The following SLC24A3 variants were observed in gnomAD, a reference collection of about 807,000 sequenced individuals.
SLC24A3 encodes the protein solute carrier family 24 member 3, also known as sodium/potassium/calcium exchanger 3.
In SLC24A3, 28 loss-of-function variants were observed where a neutral mutation model predicts 75.8. That is an observed-to-expected ratio of 0.37 (90% CI 0.27 to 0.51). The LOEUF is 0.51. SLC24A3 is among the 20% of genes least tolerant of loss of function. The pLI is 0.94. For synonymous variants in SLC24A3, 372 were observed against 334.1 expected, an observed-to-expected ratio of 1.11 and a Z score of -1.24; for missense variants, 663 against 847.8, an observed-to-expected ratio of 0.78 and a Z score of 2.71.
intron 3 of SLC24A3, among the ~76,000 whole-genome samples, chr20:19,517,244 C>T (rs1453484050): frequency 1.3e-5 from 2 of 152,148 alleles, no homozygotes; most frequent in African/African-American, 4.8e-5. Flanking sequence ...CCCTGGCAGC[C>T]GTTAGCATCC....
chr20:19,256,859 G>A (rs1278717432), intron 1 of SLC24A3, among the ~76,000 whole-genome samples: 1 of 151,366 alleles, frequency 6.6e-6, no homozygotes, highest in Non-Finnish European at 1.5e-5. Flanking sequence ...ATTACATGTT[G>A]AAATGTTAAT....
At chr20:19,441,031 G>A (rs546865439) in intron 2 of SLC24A3, among the ~76,000 whole-genome samples, 36 of 152,192 alleles carry the variant, frequency 2.4e-4, no homozygotes, top group African/African-American at 4.1e-4. Context: ...ATTTCACATC[G>A]CATACCTGCA....
chr20:19,651,316 T>C (rs1246776195), intron 6 of SLC24A3, among the ~76,000 whole-genome samples: 1 of 149,764 alleles, frequency 6.7e-6, no homozygotes, highest in Non-Finnish European at 1.5e-5. Flanking sequence ...CATGACTCCA[T>C]TTTTTGCTAG....
rs150386714 is a variant in SLC24A3, at chr20:19,677,913, C to T, written c.768-3945C>T. ...ATTAGGGAGTGGTGATGACTCTTAA[C>T]GAGCATGCTGCCTTCAAGCATCTGT... On this transcript the variant is annotated intron_variant, in intron 9 of 16. Coordinates refer to ENST00000328041, the MANE Select transcript of SLC24A3 (RefSeq NM_020689.4). 9.8e-3 allele frequency among the ~76,000 whole-genome samples: 1,478 copies of T among 151,450 alleles called. 20 individuals are homozygous for T. Among genetic ancestry groups the T allele is most frequent in the African/African-American group, 0.033 (1,375 of 41,224 alleles).
chr20:19,271,541 T>C (rs1983329781), intron 1 of SLC24A3, among the ~76,000 whole-genome samples: 2 of 152,324 alleles, frequency 1.3e-5, no homozygotes, highest in African/African-American at 4.8e-5. Context: ...TGCACATGCA[T>C]GTTTATAGCA....
intron 6 of SLC24A3, among the ~76,000 whole-genome samples, chr20:19,594,534 T>A (rs757263583): frequency 1.1e-4 from 17 of 152,236 alleles, no homozygotes; most frequent in Non-Finnish European, 2.2e-4. Context: ...GTAAGCTCAT[T>A]CACTGATTTA....
intron 3 of SLC24A3, among the ~76,000 whole-genome samples, chr20:19,534,897 T>A (rs1344448249): frequency 6.6e-6 from 1 of 152,230 alleles, no homozygotes; most frequent in Admixed American, 6.5e-5. Context: ...ATAGGTATTG[T>A]ATAGAAAATG....
chr20:19,537,974 A>G (rs113831050), intron 3 of SLC24A3, among the ~76,000 whole-genome samples: 2 of 151,962 alleles, frequency 1.3e-5, no homozygotes, highest in East Asian at 1.9e-4. Flanking sequence ...ACATGTATAC[A>G]TATGTAACAA....
intron 2 of SLC24A3, among the ~76,000 whole-genome samples, chr20:19,325,096 G>A (rs1984808103): frequency 6.6e-6 from 1 of 150,432 alleles, no homozygotes; most frequent in Non-Finnish European, 1.5e-5. Context: ...AATACCTTAG[G>A]TAGCTTTTCG....
chr20:19,233,051 C>A (rs769570303), intron 1 of SLC24A3, among the ~76,000 whole-genome samples: 1 of 152,214 alleles, frequency 6.6e-6, no homozygotes, highest in East Asian at 1.9e-4. Flanking sequence ...ACTTTTTAAA[C>A]AGATATCTTG....
intron 3 of SLC24A3, among the ~76,000 whole-genome samples, chr20:19,544,484 G>A (rs1036103052): frequency 3.9e-5 from 6 of 152,118 alleles, no homozygotes; most frequent in Admixed American, 6.5e-5. Context: ...AAATTCTAGC[G>A]CTTGTGTACA....
intron 2 of SLC24A3, among the ~76,000 whole-genome samples, chr20:19,339,249 G>A (rs922169863): frequency 1.3e-5 from 2 of 152,100 alleles, no homozygotes; most frequent in Non-Finnish European, 2.9e-5. Flanking sequence ...TTACCATCTG[G>A]GCTTCATTTG....
At chr20:19,222,331 CAG>C (rs1193759462) in intron 1 of SLC24A3, among the ~76,000 whole-genome samples, 3 of 152,126 alleles carry the variant, frequency 2.0e-5, no homozygotes, top group Non-Finnish European at 4.4e-5. Flanking sequence ...CTTCAGATGT[CAG>C]GGGATCTTTG....
At chr20:19,584,043 A>G (rs1337674050) in intron 4 of SLC24A3, among the ~76,000 whole-genome samples, 1 of 152,196 alleles carries the variant, frequency 6.6e-6, no homozygotes. Flanking sequence ...GAAGAGAAGG[A>G]TGTCACTCAA....
chr20:19,586,484 G>T (rs1021417334), intron 6 of SLC24A3, among the ~76,000 whole-genome samples: 1 of 152,114 alleles, frequency 6.6e-6, no homozygotes, highest in South Asian at 2.1e-4. Context: ...CCTAGAAGTG[G>T]CTGATTGGGT....
rs1422050112 is a variant in SLC24A3 at position 19,685,294 on chromosome 20, G to A, written c.1257G>A (p.Glu419=). The A allele has an allele frequency of 1.2e-6, 2 of 1,613,982 alleles. No homozygotes were observed. Among genetic ancestry groups the A allele is most frequent in the African/African-American group, 2.7e-5 (2 of 74,904 alleles). The change falls in exon 12 of 17, where the codon GAG becomes GAA. Residue 419 remains glutamate (E), a synonymous_variant. Coordinates refer to ENST00000328041, the MANE Select transcript of SLC24A3 (RefSeq NM_020689.4). ...NETENENEDN[E]NDEEEEEDED... is the part of the protein sequence containing the mutation. The stretch of plus-strand genomic sequence containing the variant: ...CAGAGAATGAAAATGAGGACAATGA[G>A]AATGATGAGGAGGAAGAGGAGGACG...
intron 2 of SLC24A3, among the ~76,000 whole-genome samples, chr20:19,367,956 G>A (rs1227008391): frequency 6.6e-6 from 1 of 152,228 alleles, no homozygotes; most frequent in Non-Finnish European, 1.5e-5. Context: ...GAAACATGAT[G>A]TATTAGCAGA....
intron 1 of SLC24A3, among the ~76,000 whole-genome samples, chr20:19,254,379 T>C (rs1982749775): frequency 6.6e-6 from 1 of 152,162 alleles, no homozygotes; most frequent in South Asian, 2.1e-4. Context: ...ACTACATTGC[T>C]TGCCACCTCA....
intron 2 of SLC24A3, among the ~76,000 whole-genome samples, chr20:19,473,114 C>T (rs1987902743): frequency 1.3e-5 from 2 of 152,186 alleles, no homozygotes. Context: ...CCTGAACCCC[C>T]AGAACCCTAG....
Sources: gnomAD v4.1 joint callset for allele counts (sites outside exome capture counted in the v4.1 genomes callset) on GRCh38, gnomAD v4.1.1 for gene constraint, MANE v1.5 for transcripts, NCBI Gene and HGNC (gene_info 2026-07-23, HGNC 2026-07-21) for gene names.